Variants in CES5A observed in about 807,000 individuals in gnomAD.
The protein encoded by CES5A is carboxylesterase 5A.
In CES5A, 67 loss-of-function variants were observed where a neutral mutation model predicts 62.9. The observed-to-expected ratio is 1.07, with a 90% CI of 0.88 to 1.31. CES5A has a LOEUF of 1.31. Among genes scored for constraint, CES5A ranks in the 50% most tolerant of loss-of-function variants. The probability of loss-of-function intolerance (pLI) is 0.00; values close to 1 mark genes in which losing one functional copy is unlikely to be tolerated. For missense variants in CES5A, 748 were observed against 708.5 expected, an observed-to-expected ratio of 1.06 and a Z score of -0.63; for synonymous variants, 296 against 280.8, an observed-to-expected ratio of 1.05 and a Z score of -0.54.
chr16:55,903,735 G>T (rs998272602), intron 1 of CES5A, among the ~76,000 whole-genome samples: 1 of 152,198 alleles, frequency 6.6e-6, no homozygotes, highest in Non-Finnish European at 1.5e-5. Flanking sequence ...AGATCTTACT[G>T]GAGTCTTTCT....
chr16:55,866,668 AAAAAAAAAAATAC>A (rs1198234163), intron 4 of CES5A, among the ~76,000 whole-genome samples: 1 of 139,866 alleles, frequency 7.1e-6, no homozygotes, highest in Non-Finnish European at 1.6e-5. Context: ...TAAAAAAAAA[AAAAAAAAAAATAC>A]AAAAAAATTA....
intron 1 of CES5A, among the ~76,000 whole-genome samples, chr16:55,892,718 C>CA (rs1270371193): frequency 2.5e-5 from 3 of 119,806 alleles, no homozygotes; most frequent in African/African-American, 5.6e-5. Context: ...ACAACAACAA[C>CA]AACAACAAAA....
intron 1 of CES5A, among the ~76,000 whole-genome samples, chr16:55,918,283 C>T (rs1235000712): frequency 6.6e-6 from 1 of 152,192 alleles, no homozygotes; most frequent in Admixed American, 6.5e-5. Flanking sequence ...TCTACATGAG[C>T]TCTTCTCATG....
At chr16:55,893,379 G>A (rs1166437318) in intron 1 of CES5A, among the ~76,000 whole-genome samples, 1 of 151,896 alleles carries the variant, frequency 6.6e-6, no homozygotes, top group African/African-American at 2.4e-5. Flanking sequence ...AGACAAGTAA[G>A]GTCAATAGAA....
intron 1 of CES5A, among the ~76,000 whole-genome samples, chr16:55,918,753 C>A (rs1414847882): frequency 6.6e-6 from 1 of 152,216 alleles, no homozygotes; most frequent in East Asian, 1.9e-4. Context: ...CTCTCCATCA[C>A]ATTATAATGC....
upstream of CES5A, among the ~76,000 whole-genome samples, chr16:55,928,221 C>A (rs1597153616): frequency 6.6e-6 from 1 of 151,658 alleles, no homozygotes; most frequent in African/African-American, 2.4e-5. Context: ...CCAGCCTGGG[C>A]GACAGAGCGA....
chr16:55,897,785 A>T (rs756941044), intron 1 of CES5A, among the ~76,000 whole-genome samples: 4 of 152,226 alleles, frequency 2.6e-5, no homozygotes, highest in Non-Finnish European at 5.9e-5. Flanking sequence ...TTGTAATAGT[A>T]AAAAACTGGA....
chr16:55,871,024 G>A (rs931717718), intron 3 of CES5A, among the ~76,000 whole-genome samples: 1 of 152,150 alleles, frequency 6.6e-6, no homozygotes, highest in Non-Finnish European at 1.5e-5. Context: ...TACCCACTGG[G>A]TTAGCATGGG....
At chr16:55,854,527 G>GTTTTT (rs2033194450) in intron 9 of CES5A, among the ~76,000 whole-genome samples, 1 of 116,684 alleles carries the variant, frequency 8.6e-6, no homozygotes, top group Admixed American at 9.4e-5. Flanking sequence ...TGCCTGTAGT[G>GTTTTT]TTTCTTTTTT....
At chr16:55,940,899 A>T (rs1160947360) in intron 2 of CES5A, among the ~76,000 whole-genome samples, 1 of 151,960 alleles carries the variant, frequency 6.6e-6, no homozygotes, top group East Asian at 1.9e-4. Flanking sequence ...TAAAAGGCAA[A>T]ATACATCATC....
At chr16:55,910,914 A>G (rs1477690857) in intron 1 of CES5A, among the ~76,000 whole-genome samples, 4 of 148,638 alleles carry the variant, frequency 2.7e-5, no homozygotes, top group Non-Finnish European at 5.9e-5. Flanking sequence ...GATGGGTGTC[A>G]GGATAAAACT....
chr16:55,874,177 A>T, intron 1 of CES5A, 140 bp from the exon 2 acceptor site: 1 of 727,716 alleles, frequency 1.4e-6, no homozygotes, highest in East Asian at 2.7e-5. Flanking sequence ...TTCCCTCTCC[A>T]TGAATCCAGT....
chr16:55,941,874 G>A (rs1232248437), intron 2 of CES5A, among the ~76,000 whole-genome samples: 2 of 152,132 alleles, frequency 1.3e-5, no homozygotes, highest in East Asian at 3.9e-4. Flanking sequence ...TCATAGAACA[G>A]TACATCCTTC....
chr16:55,930,635 C>T (rs2034300582), intron 2 of CES5A, among the ~76,000 whole-genome samples: 1 of 152,198 alleles, frequency 6.6e-6, no homozygotes, highest in Non-Finnish European at 1.5e-5. Flanking sequence ...AGAACTGTCC[C>T]AGGCTTTTCT....
In CES5A at chr16:55,849,747, C is replaced by T; in HGVS notation, c.1300G>A (p.Glu434Lys). The T allele has an allele frequency of 6.2e-7, 1 of 1,613,958 alleles. No individual in the cohort carries two copies. Among genetic ancestry groups the T allele is most frequent in the African/African-American group, 1.3e-5 (1 of 75,046 alleles). Residue 434 changes from glutamate (E) to lysine (K), a missense_variant, in exon 11 of 13, where the codon GAG becomes AAG. Coordinates refer to ENST00000290567, the MANE Select transcript of CES5A (RefSeq NM_001143685.2). Reference protein sequence around the residue: ...RDAGAPVYFYEFRHRPQCFED... With the variant: ...RDAGAPVYFYKFRHRPQCFED... ...AAGCACTGAGGCCGGTGCCGAAACT[C>T]ATAGAAGTAGACAGGTGCACCAGCA...
chr16:55,955,777 C>T (rs2034602983), intron 1 of CES5A: 7 of 1,499,838 alleles, frequency 4.7e-6, no homozygotes, highest in Non-Finnish European at 6.3e-6. Flanking sequence ...ATCTAAGGCT[C>T]ATCTTTCTCA....
At chr16:55,921,954 G>T (rs1163418256) in intron 1 of CES5A, among the ~76,000 whole-genome samples, 1 of 151,828 alleles carries the variant, frequency 6.6e-6, no homozygotes, top group African/African-American at 2.4e-5. Context: ...TCTAAGATAA[G>T]TTATCATGTC....
chr16:55,920,958 G>T (rs879604396), intron 1 of CES5A, among the ~76,000 whole-genome samples: 2 of 152,146 alleles, frequency 1.3e-5, no homozygotes, highest in African/African-American at 2.4e-5. Flanking sequence ...TTGGAACTGA[G>T]AAATATTTTT....
intron 3 of CES5A, among the ~76,000 whole-genome samples, chr16:55,870,216 G>A (rs1157766905): frequency 3.3e-5 from 5 of 151,960 alleles, no homozygotes; most frequent in African/African-American, 4.8e-5. Context: ...AGCCCAAGGT[G>A]TTTCAGAGAA....
Sources: allele counts gnomAD v4.1 joint callset (sites outside exome capture counted in the v4.1 genomes callset), GRCh38; gene constraint gnomAD v4.1.1; transcripts MANE v1.5; gene names NCBI Gene and HGNC (gene_info 2026-07-23, HGNC 2026-07-21).